The following CDH13 variants were observed in gnomAD, a reference collection of about 807,000 sequenced individuals.
CDH13 encodes the protein cadherin-13.
A neutral mutation model predicts 63.8 loss-of-function variants in CDH13; 24 were observed. The observed-to-expected ratio is 0.38, with a 90% CI of 0.27 to 0.53. The LOEUF is 0.53. Among genes scored for constraint, CDH13 ranks in the 20% least tolerant of loss-of-function variants. The pLI, the probability that CDH13 is intolerant of heterozygous loss-of-function variation, is 0.85. For synonymous variants in CDH13, 503 were observed against 355.3 expected (o/e 1.42, Z -4.67); for missense variants, 1,049 against 903.1 (o/e 1.16, Z -2.07).
chr16:83,316,973 G>A (rs1490752265), intron 5 of CDH13, among the ~76,000 whole-genome samples: 1 of 152,188 alleles, frequency 6.6e-6, no homozygotes, highest in East Asian at 1.9e-4. Context: ...CCATCTATGA[G>A]AACATAGCAG....
intron 1 of CDH13, among the ~76,000 whole-genome samples, chr16:82,661,113 T>G (rs1054861480): frequency 1.3e-5 from 2 of 152,204 alleles, no homozygotes; most frequent in African/African-American, 2.4e-5. Flanking sequence ...TGTTTCATGC[T>G]GGAGGGATAC....
intron 7 of CDH13, among the ~76,000 whole-genome samples, chr16:83,548,735 TC>T (rs888892623): frequency 2.6e-5 from 4 of 152,038 alleles, no homozygotes; most frequent in African/African-American, 9.7e-5. Context: ...CCTTTTTTTT[TC>T]TCTGTTAATG....
chr16:82,874,076 C>G (rs971790499), intron 2 of CDH13, among the ~76,000 whole-genome samples: 8 of 152,096 alleles, frequency 5.3e-5, no homozygotes, highest in African/African-American at 1.4e-4. Context: ...TTACACGATT[C>G]TACGAGCGGG....
At chr16:83,477,167 T>A (rs2073627113) in intron 6 of CDH13, among the ~76,000 whole-genome samples, 1 of 152,198 alleles carries the variant, frequency 6.6e-6, no homozygotes, top group Non-Finnish European at 1.5e-5. Context: ...CCTGAAATAA[T>A]CACAAGGTGG....
At chr16:83,489,259 T>C (rs2073958135) in intron 7 of CDH13, among the ~76,000 whole-genome samples, 1 of 152,246 alleles carries the variant, frequency 6.6e-6, no homozygotes, top group South Asian at 2.1e-4. Flanking sequence ...ATCTTTTCAT[T>C]TGGGCTTTCA....
At chr16:83,634,619 T>C (rs1434199418) in intron 8 of CDH13, among the ~76,000 whole-genome samples, 1 of 152,082 alleles carries the variant, frequency 6.6e-6, no homozygotes, top group African/African-American at 2.4e-5. Context: ...CAGGTTGGTC[T>C]TGAACTCCTG....
At chr16:83,781,495 T>G (rs1221548529) in intron 12 of CDH13, among the ~76,000 whole-genome samples, 1 of 152,240 alleles carries the variant, frequency 6.6e-6, no homozygotes, top group Non-Finnish European at 1.5e-5. Flanking sequence ...GCATAACATT[T>G]TCTATTTAAA....
chr16:83,632,453 T>C (rs1910869142), intron 8 of CDH13, among the ~76,000 whole-genome samples: 1 of 152,052 alleles, frequency 6.6e-6, no homozygotes, highest in Non-Finnish European at 1.5e-5. Context: ...TGCTTTCTGT[T>C]TATTATCACG....
Position 83,105,778 on chromosome 16 carries a change from T to C in CDH13, c.367-19607T>C, listed in dbSNP as rs143386552. Among the ~76,000 whole-genome samples, 397 of 152,318 alleles carry C rather than the reference T, an allele frequency of 2.6e-3. 1 individual carries two copies. Among genetic ancestry groups the C allele is most frequent in the African/African-American group, 8.9e-3 (370 of 41,558 alleles). ...CTGTACTGAAGAATGACGCACATAATGTACAACAGGCAGCCATTGTCATGT... is the reference window on the plus strand; with the variant it reads ...CTGTACTGAAGAATGACGCACATAACGTACAACAGGCAGCCATTGTCATGT... On this transcript the variant is annotated intron_variant, in intron 3 of 13. Coordinates refer to ENST00000567109, the MANE Select transcript of CDH13 (RefSeq NM_001257.5).
chr16:83,548,649 C>A (rs72793418), intron 7 of CDH13, among the ~76,000 whole-genome samples: 1,580 of 152,212 alleles, frequency 0.01, 17 homozygotes, highest in Non-Finnish European at 0.014. Flanking sequence ...AGATGGGTTC[C>A]TGAGGCATTT....
At chr16:82,989,916 C>G (rs1041912347) in intron 2 of CDH13, among the ~76,000 whole-genome samples, 3 of 151,702 alleles carry the variant, frequency 2.0e-5, no homozygotes, top group African/African-American at 7.3e-5. Context: ...CGTTCAACAA[C>G]TGCTTAGCAA....
chr16:82,670,386 C>A (rs182203637), intron 1 of CDH13, among the ~76,000 whole-genome samples: 2 of 152,294 alleles, frequency 1.3e-5, no homozygotes, highest in East Asian at 3.9e-4. Context: ...CTGATTTCTC[C>A]TTCACGCACC....
chr16:83,728,136 C>T (rs1393334965), intron 10 of CDH13, among the ~76,000 whole-genome samples: 5 of 152,126 alleles, frequency 3.3e-5, no homozygotes, highest in Non-Finnish European at 7.4e-5. Context: ...GGGAACAGCA[C>T]CGCGGGCAGG....
chr16:83,229,345 C>G (rs1434851131), intron 5 of CDH13, among the ~76,000 whole-genome samples: 1 of 152,230 alleles, frequency 6.6e-6, no homozygotes. Context: ...AAGTTTCCCT[C>G]TACACATAGC....
At chr16:83,658,964 C>G (rs1598427037) in intron 8 of CDH13, among the ~76,000 whole-genome samples, 1 of 143,568 alleles carries the variant, frequency 7.0e-6, no homozygotes, top group Non-Finnish European at 1.5e-5. Context: ...GTCCCGTATC[C>G]TCACCAGCAA....
At chr16:83,719,385 C>G (rs1320506416) in intron 10 of CDH13, among the ~76,000 whole-genome samples, 1 of 152,096 alleles carries the variant, frequency 6.6e-6, no homozygotes, top group Admixed American at 6.5e-5. Context: ...AATTTCTGCA[C>G]TAGGAGAGGG....
chr16:83,342,942 C>T (rs977616061), intron 5 of CDH13, among the ~76,000 whole-genome samples: 12 of 141,858 alleles, frequency 8.5e-5, no homozygotes, highest in African/African-American at 2.9e-4. Flanking sequence ...ATAAAATTGC[C>T]TCAGAGCTTT....
intron 4 of CDH13, among the ~76,000 whole-genome samples, chr16:83,155,424 C>G (rs1231912828): frequency 6.6e-6 from 1 of 152,074 alleles, no homozygotes; most frequent in Non-Finnish European, 1.5e-5. Flanking sequence ...CAGTGAAGGC[C>G]AAGGTCTAAT....
intron 1 of CDH13, among the ~76,000 whole-genome samples, chr16:82,797,334 C>G (rs924818628): frequency 3.5e-4 from 54 of 152,306 alleles, no homozygotes; most frequent in African/African-American, 1.2e-3. Context: ...AGAGCAAGTA[C>G]TACGGTAGCT....
Sources: gnomAD v4.1 joint callset for allele counts (sites outside exome capture counted in the v4.1 genomes callset) on GRCh38, gnomAD v4.1.1 for gene constraint, MANE v1.5 for transcripts, NCBI Gene and HGNC (gene_info 2026-07-23, HGNC 2026-07-21) for gene names.